The following HYDIN variants were observed in gnomAD, a reference collection of about 807,000 sequenced individuals.
HYDIN encodes axonemal central pair apparatus protein HYDIN.
Under a neutral mutation model 403.9 loss-of-function variants are expected in HYDIN, and 132 were observed. That is an observed-to-expected ratio of 0.33 (90% CI 0.28 to 0.38). HYDIN has a LOEUF of 0.38. HYDIN is among the 10% of genes least tolerant of loss of function. The pLI is 1.00. For missense variants in HYDIN, 2,827 were observed against 5,009.5 expected, an observed-to-expected ratio of 0.56 and a Z score of 13.15; for synonymous variants, 1,202 against 1,891.7, an observed-to-expected ratio of 0.64 and a Z score of 9.46.
At chr16:70,908,537 T>G (rs1216133286) in intron 48 of HYDIN, 103 bp from the exon 49 acceptor site, 3 of 1,515,416 alleles carry the variant, frequency 2.0e-6, no homozygotes, top group African/African-American at 2.8e-5. Flanking sequence ...GTGGGCATGG[T>G]GGCCCCTGGA....
intron 66 of HYDIN, among the ~76,000 whole-genome samples, chr16:70,868,339 C>A (rs1278968484): frequency 1.4e-5 from 2 of 145,592 alleles, no homozygotes; most frequent in Non-Finnish European, 3.0e-5. Context: ...ACTTGCTCAA[C>A]TGCTTATCAA....
At chr16:71,173,209 T>A (rs1451232895) in intron 5 of HYDIN, among the ~76,000 whole-genome samples, 1 of 152,234 alleles carries the variant, frequency 6.6e-6, no homozygotes, top group Non-Finnish European at 1.5e-5. Context: ...GTAAACATTA[T>A]CCTCACTATG....
rs76780549 is a variant in HYDIN at position 70,808,042 on chromosome 16, G to A, written c.14904C>T (p.His4968=). The A allele has an allele frequency of 3.2e-5, 52 of 1,611,952 alleles. No individual in the cohort carries two copies. Among genetic ancestry groups the A allele is most frequent in the East Asian group, 2.2e-4 (10 of 44,846 alleles). The change falls in exon 86 of 86, where the codon CAC becomes CAT. Residue 4968 remains histidine, a synonymous_variant. Coordinates refer to ENST00000393567, the MANE Select transcript of HYDIN (RefSeq NM_001270974.2). ...GGGCTGCATTAATGAGTTTTTCTGC[G>A]TGGAAGTCTGTACAGTCGGTCTGAA... is the stretch of plus-strand genomic sequence containing the variant. The part of the protein sequence containing the change: ...YYCRTDCTDF[H]AEKLINAAPG...
In HYDIN at chr16:70,803,050, T is replaced by C. The variant is rs1323556523; in HGVS notation, c.*4530A>G. Among the ~76,000 whole-genome samples the C allele has an allele frequency of 1.3e-5, 2 of 152,240 alleles. No homozygotes were observed. Among genetic ancestry groups the C allele is most frequent in the Non-Finnish European group, 2.9e-5 (2 of 68,038 alleles). On this transcript the variant is annotated 3_prime_UTR_variant, in exon 86 of 86. Coordinates refer to ENST00000393567, the MANE Select transcript of HYDIN (RefSeq NM_001270974.2). ...TGTGTGTGCATTTCCACGGGACGCA[T>C]ATCTAATATATTTCATGTTTCTTTT... is the stretch of plus-strand genomic sequence containing the variant.
At chr16:70,888,656 A>G (rs1010650131) in intron 58 of HYDIN, among the ~76,000 whole-genome samples, 2 of 151,948 alleles carry the variant, frequency 1.3e-5, no homozygotes, top group Admixed American at 6.5e-5. Context: ...CTCCACAAAC[A>G]GCACAGGAGG....
Position 70,806,774 on chromosome 16 carries a change from G to A in HYDIN, c.*806C>T, listed in dbSNP as rs554910781. Among the ~76,000 whole-genome samples, 2 of 152,268 alleles carry A rather than the reference G, an allele frequency of 1.3e-5. No homozygotes were observed. Among genetic ancestry groups the A allele is most frequent in the South Asian group, 4.1e-4 (2 of 4,826 alleles). ...CAGACTTTAACCATCTGCTATACAAGTTAAATGTATATAATAAAGATGCCC... is the reference window on the plus strand; with the variant it reads ...CAGACTTTAACCATCTGCTATACAAATTAAATGTATATAATAAAGATGCCC... On this transcript the variant is annotated 3_prime_UTR_variant, in exon 86 of 86. Coordinates refer to ENST00000393567, the MANE Select transcript of HYDIN (RefSeq NM_001270974.2).
chr16:70,936,448 T>TA (rs1348479109), intron 44 of HYDIN, among the ~76,000 whole-genome samples: 2 of 132,582 alleles, frequency 1.5e-5, no homozygotes, highest in African/African-American at 5.1e-5. Flanking sequence ...TATTAGCACT[T>TA]AAAAAAAGCA....
At chr16:70,901,398 C>T (rs2076373661) in intron 52 of HYDIN, among the ~76,000 whole-genome samples, 196 bp from the exon 53 acceptor site, 2 of 151,388 alleles carry the variant, frequency 1.3e-5, no homozygotes, top group Non-Finnish European at 2.9e-5. Flanking sequence ...TATTTTTTCT[C>T]CTCCTCTCCC....
intron 37 of HYDIN, among the ~76,000 whole-genome samples, chr16:70,963,925 T>A (rs572978849): frequency 6.7e-6 from 1 of 149,798 alleles, no homozygotes; most frequent in Non-Finnish European, 1.5e-5. Flanking sequence ...TCTTGGTTAG[T>A]GGTGGAGGCA....
intron 1 of HYDIN, among the ~76,000 whole-genome samples, chr16:71,216,953 C>G (rs2144747198): frequency 6.6e-6 from 1 of 152,316 alleles, no homozygotes; most frequent in East Asian, 1.9e-4. Context: ...GACTAGACAT[C>G]CCTTGCCTTT....
At chr16:70,945,448 T>C (rs890042548) in intron 41 of HYDIN, among the ~76,000 whole-genome samples, 3 of 152,178 alleles carry the variant, frequency 2.0e-5, no homozygotes, top group Non-Finnish European at 4.4e-5. Context: ...AAAGGATACA[T>C]GAACCTGCAC....
At chr16:71,193,921 T>C (rs961761379) in intron 1 of HYDIN, among the ~76,000 whole-genome samples, 2 of 152,134 alleles carry the variant, frequency 1.3e-5, no homozygotes, top group Admixed American at 1.3e-4. Flanking sequence ...ATTTTTTTGC[T>C]CCCAGTTAAA....
chr16:70,981,551 A>T lies in HYDIN; in HGVS notation c.4350T>A (p.His1450Gln), dbSNP rs769365840. Residue 1450 changes from histidine to glutamine, a missense_variant, in exon 29 of 86, where the codon CAT becomes CAA. Coordinates refer to ENST00000393567, the MANE Select transcript of HYDIN (RefSeq NM_001270974.2). The part of the protein sequence containing the change: ...ILPVSGFISS[H>Q]QEQVLKVYYL... The stretch of plus-strand genomic sequence containing the variant: ...AGTAAACTTTTAATACCTGCTCTTG[A>T]TGTGAACTGATAAAGCCCTACGCGG... 6.2e-7 allele frequency: 1 copy of T among 1,612,390 alleles called. No individual in the cohort carries two copies. The highest frequency in any genetic ancestry group is 8.5e-7 in the Non-Finnish European group (1 of 1,179,254).
intron 23 of HYDIN, among the ~76,000 whole-genome samples, chr16:71,009,453 T>C (rs2080003107): frequency 6.6e-6 from 1 of 150,618 alleles, no homozygotes; most frequent in Admixed American, 6.6e-5. Flanking sequence ...AATGATATGG[T>C]CATTAATAGA....
In HYDIN at chr16:70,809,970, C is replaced by T; in HGVS notation, c.14696G>A (p.Gly4899Glu). 1 of 1,614,104 alleles carries T rather than the reference C, an allele frequency of 6.2e-7. No homozygotes were observed. The highest frequency in any genetic ancestry group is 8.5e-7 in the Non-Finnish European group (1 of 1,180,012). Residue 4899 changes from glycine to glutamate, a missense_variant, in exon 85 of 86, where the codon GGA becomes GAA. Transcript: ENST00000393567. ...FSFEFQPLKA[G>E]ETFGRLTLHN... ...CAAAGTTAGTCTTCCGAAGGTTTCT[C>T]CAGCTTTCAGGGGCTGAAATTCAAA...
intron 18 of HYDIN, among the ~76,000 whole-genome samples, chr16:71,038,422 G>A (rs1227320241): frequency 6.6e-6 from 1 of 151,976 alleles, no homozygotes; most frequent in African/African-American, 2.4e-5. Context: ...ACAATCACCG[G>A]GAGTGTGGCT....
At chr16:70,994,861 G>A (rs2079477735) in intron 23 of HYDIN, among the ~76,000 whole-genome samples, 2 of 148,820 alleles carry the variant, frequency 1.3e-5, no homozygotes, top group African/African-American at 2.5e-5. Context: ...GACGCCTGGC[G>A]AGGCTTTGCC....
At chr16:70,896,526 T>C (rs116178425) in intron 53 of HYDIN, among the ~76,000 whole-genome samples, 2,588 of 151,950 alleles carry the variant, frequency 0.017, 75 homozygotes, top group African/African-American at 0.059. Context: ...CTAATTTTTG[T>C]ATTGTTTTTT....
At chr16:71,177,444 T>C (rs1382075676) in intron 4 of HYDIN, among the ~76,000 whole-genome samples, 1 of 152,174 alleles carries the variant, frequency 6.6e-6, no homozygotes, top group Admixed American at 6.5e-5. Context: ...TTCTTTTCCT[T>C]CCCTTTCATT....
Sources: allele counts gnomAD v4.1 joint callset (sites outside exome capture counted in the v4.1 genomes callset), GRCh38; gene constraint gnomAD v4.1.1; transcripts MANE v1.5; gene names NCBI Gene and HGNC (gene_info 2026-07-23, HGNC 2026-07-21).